PTPN14: variants seen among roughly 807,000 people sequenced by gnomAD.
PTPN14 encodes protein tyrosine phosphatase non-receptor type 14.
In PTPN14, 53 loss-of-function variants were observed where a neutral mutation model predicts 126.8. The ratio of observed to expected loss-of-function variants is 0.42; its 90% confidence interval spans 0.34 to 0.53. The LOEUF (loss-of-function observed/expected upper bound fraction) is 0.53, where lower values mean the gene tolerates loss of function less well. Among genes scored for constraint, PTPN14 ranks in the 20% least tolerant of loss-of-function variants. PTPN14 has a pLI of 0.08. For missense variants in PTPN14, 1,257 were observed against 1,552.9 expected, an observed-to-expected ratio of 0.81 and a Z score of 3.20; for synonymous variants, 630 against 599.3, an observed-to-expected ratio of 1.05 and a Z score of -0.75.
intron 1 of PTPN14, among the ~76,000 whole-genome samples, chr1:214,470,886 A>C (rs1164628740): frequency 7.4e-6 from 1 of 134,656 alleles, no homozygotes; most frequent in Non-Finnish European, 1.6e-5. Context: ...TTAGCCGGGC[A>C]TGGTGGCAGG....
chr1:214,538,150 C>T (rs190798271), intron 1 of PTPN14, among the ~76,000 whole-genome samples: 70 of 152,088 alleles, frequency 4.6e-4, no homozygotes, highest in Middle Eastern at 6.8e-3. Context: ...TCTCCACTTT[C>T]GAAAACATCA....
Position 214,384,499 on chromosome 1 carries a change from C to T in PTPN14, c.1356G>A (p.Met452Ile). ...TGTCTGTATGCAGGATCCCCCTCTT[C>T]ATCTGGCGCATGACTGTCTCATAAT... ...TPDYETVMRQ[M>I]KRGILHTDSQ... Residue 452 changes from methionine (M) to isoleucine (I), a missense_variant, in exon 13 of 19, where the codon ATG (methionine) becomes ATA (isoleucine). Met to Ile is a conservative substitution (Grantham distance 10). Coordinates refer to ENST00000366956, the MANE Select transcript of PTPN14 (RefSeq NM_005401.5). This position sits in a 1 kb window ranked among gnomAD's most constrained non-coding sequence, Gnocchi z 5.3. 1 of 1,614,158 alleles carries T rather than the reference C, an allele frequency of 6.2e-7. No homozygotes were observed. Among genetic ancestry groups the T allele is most frequent in the Non-Finnish European group, 8.5e-7 (1 of 1,180,044 alleles).
chr1:214,425,088 G>C (rs1407739557), intron 3 of PTPN14, among the ~76,000 whole-genome samples: 1 of 151,954 alleles, frequency 6.6e-6, no homozygotes, highest in East Asian at 1.9e-4. Flanking sequence ...TGGGCCACCA[G>C]GTCCATCCAG....
intron 1 of PTPN14, among the ~76,000 whole-genome samples, chr1:214,485,518 T>C (rs904542991): frequency 6.6e-6 from 1 of 152,102 alleles, no homozygotes; most frequent in African/African-American, 2.4e-5. Context: ...TGAGAACAGA[T>C]GAATATGGAA....
At chr1:214,472,987 T>C (rs1248796326) in intron 1 of PTPN14, among the ~76,000 whole-genome samples, 1 of 152,242 alleles carries the variant, frequency 6.6e-6, no homozygotes, top group African/African-American at 2.4e-5. Flanking sequence ...GTCTTTTATA[T>C]AGAATAGGCT....
intron 1 of PTPN14, among the ~76,000 whole-genome samples, chr1:214,491,945 C>G (rs544018825): frequency 6.6e-6 from 1 of 152,244 alleles, no homozygotes; most frequent in African/African-American, 2.4e-5. Context: ...TGTCATATCT[C>G]ACAAATACAG....
rs566343108 is a variant in PTPN14, at chr1:214,382,700, T to C, written c.2544+611A>G. On this transcript the variant is annotated intron_variant, in intron 13 of 18. Coordinates refer to ENST00000366956, the MANE Select transcript of PTPN14 (RefSeq NM_005401.5). ...ATGGATCTTCAAGTGGTAATATGTATGTATATATGTATGTGTGTATTCACG... is the reference window on the plus strand; with the variant it reads ...ATGGATCTTCAAGTGGTAATATGTACGTATATATGTATGTGTGTATTCACG... Among the ~76,000 whole-genome samples, 7 of 152,370 alleles carry C rather than the reference T, an allele frequency of 4.6e-5. 1 individual carries two copies. In the South Asian group the frequency reaches 1.2e-3, roughly 27 times the overall value.
chr1:214,527,845 C>CT (rs973311728), intron 1 of PTPN14, among the ~76,000 whole-genome samples: 11 of 152,140 alleles, frequency 7.2e-5, no homozygotes, highest in Non-Finnish European at 1.6e-4. Flanking sequence ...CTCTTCATAG[C>CT]TTTTTTACTA....
Position 214,349,639 on chromosome 1 carries a change from C to A in PTPN14, c.*8283G>T, listed in dbSNP as rs1038005880. 5 of 151,884 alleles carry A rather than the reference C, an allele frequency of 3.3e-5. No homozygotes were observed. The highest frequency in any genetic ancestry group is 7.4e-5 in the Non-Finnish European group (5 of 67,958). The allele number at this position is 151,884 out of a possible 1,614,324, so 9.4% of individuals were successfully genotyped here. On this transcript the variant is annotated 3_prime_UTR_variant, in exon 19 of 19. Transcript: ENST00000366956. ...ATTTGCATATTTAAACCTTTTTTTC[C>A]ACTGAAGTATCCTCAAGCACATTAA... is the stretch of plus-strand genomic sequence containing the variant.
intron 14 of PTPN14, among the ~76,000 whole-genome samples, chr1:214,377,646 T>A (rs1432109070): frequency 6.6e-6 from 1 of 152,272 alleles, no homozygotes; most frequent in East Asian, 1.9e-4. Context: ...GTTTAACTTG[T>A]GCATTTTACA....
At chr1:214,479,335 C>T (rs1282916612) in intron 1 of PTPN14, among the ~76,000 whole-genome samples, 1 of 149,334 alleles carries the variant, frequency 6.7e-6, no homozygotes, top group Non-Finnish European at 1.5e-5. Flanking sequence ...CAGAGCAAAA[C>T]CCTGTCTTTT....
chr1:214,511,279 A>G (rs187993540), intron 1 of PTPN14, among the ~76,000 whole-genome samples: 1 of 152,290 alleles, frequency 6.6e-6, no homozygotes, highest in East Asian at 1.9e-4. Context: ...CCGTACTACA[A>G]AAGGTACTAA....
At chr1:214,423,765 G>A (rs1659596390) in intron 3 of PTPN14, among the ~76,000 whole-genome samples, 1 of 151,960 alleles carries the variant, frequency 6.6e-6, no homozygotes. Flanking sequence ...TGGATCATTT[G>A]AGGTCAGGAG....
At chr1:214,488,140 G>A (rs1384238824) in intron 1 of PTPN14, among the ~76,000 whole-genome samples, 3 of 152,106 alleles carry the variant, frequency 2.0e-5, no homozygotes, top group Admixed American at 1.3e-4. Flanking sequence ...CATTAAGAGC[G>A]TCTCCACCCA....
At chr1:214,483,748 G>T (rs1202310820) in intron 1 of PTPN14, among the ~76,000 whole-genome samples, 1 of 151,468 alleles carries the variant, frequency 6.6e-6, no homozygotes, top group Non-Finnish European at 1.5e-5. Context: ...TTTCTTTTTA[G>T]GTATTATTTC....
At chr1:214,524,674 C>T (rs1037311934) in intron 1 of PTPN14, among the ~76,000 whole-genome samples, 9 of 151,918 alleles carry the variant, frequency 5.9e-5, no homozygotes, top group Admixed American at 2.6e-4. Context: ...CGGGAGGGGG[C>T]GAGTGGAGAA....
intron 1 of PTPN14, among the ~76,000 whole-genome samples, chr1:214,465,761 A>G (rs1660619998): frequency 6.6e-6 from 1 of 152,090 alleles, no homozygotes; most frequent in South Asian, 2.1e-4. Context: ...AGATGAAAAA[A>G]GTAAGGTTTA....
At chr1:214,422,148 G>T (rs1049392963) in intron 3 of PTPN14, among the ~76,000 whole-genome samples, 1 of 152,160 alleles carries the variant, frequency 6.6e-6, no homozygotes, top group East Asian at 1.9e-4. Context: ...ATGAAAGAGC[G>T]CCTAAAAATT....
chr1:214,526,818 G>A (rs1326314068), intron 1 of PTPN14, among the ~76,000 whole-genome samples: 1 of 152,210 alleles, frequency 6.6e-6, no homozygotes, highest in Non-Finnish European at 1.5e-5. Flanking sequence ...TGGGCCGGGC[G>A]CGGTGGCTCA....
Sources: gnomAD v4.1 joint callset for allele counts (sites outside exome capture counted in the v4.1 genomes callset) on GRCh38, gnomAD v4.1.1 for gene constraint, Gnocchi (gnomAD v3.1) non-coding constraint, MANE v1.5 for transcripts, NCBI Gene and HGNC (gene_info 2026-07-23, HGNC 2026-07-21) for gene names.